COL15A1: variants seen among roughly 807,000 people sequenced by gnomAD.
COL15A1 encodes the protein collagen type XV alpha 1 chain.
A neutral mutation model predicts 165.9 loss-of-function variants in COL15A1; 111 were observed. That is an observed-to-expected ratio of 0.67 (90% CI 0.57 to 0.78). The LOEUF (loss-of-function observed/expected upper bound fraction) is 0.78. Ranked by LOEUF, COL15A1 falls within the 30% of genes least tolerant of loss-of-function variation. COL15A1 has a pLI of 0.00. For missense variants in COL15A1, 1,745 were observed against 1,789.7 expected, an observed-to-expected ratio of 0.98 and a Z score of 0.45; for synonymous variants, 659 against 674.8, an observed-to-expected ratio of 0.98 and a Z score of 0.36.
At chr9:99,038,909 A>C (rs2119062771) in intron 22 of COL15A1, among the ~76,000 whole-genome samples, 176 bp downstream of exon 22, 1 of 152,356 alleles carries the variant, frequency 6.6e-6, no homozygotes, top group South Asian at 2.1e-4. Context: ...TAATTTGATC[A>C]TGTGGAAAGT....
intron 9 of COL15A1, among the ~76,000 whole-genome samples, chr9:99,011,453 A>T (rs973331494): frequency 6.7e-6 from 1 of 149,780 alleles, no homozygotes; most frequent in Non-Finnish European, 1.5e-5. Flanking sequence ...AAAATTTACC[A>T]TAAAAGATTC....
Position 99,054,556 on chromosome 9 carries a change from A to G in COL15A1, c.2951-20A>G, listed in dbSNP as rs988824649. 2 of 1,588,378 alleles carry G rather than the reference A, an allele frequency of 1.3e-6. No homozygotes were observed. The highest frequency in any genetic ancestry group is 3.8e-5 in the Admixed American group (2 of 52,642). ...AGGTGATTTTCCATTTTTTTTTAACATGTATGTGTTTGGTGGCAGGTGTTA... is the reference window on the plus strand; with the variant it reads ...AGGTGATTTTCCATTTTTTTTTAACGTGTATGTGTTTGGTGGCAGGTGTTA... On this transcript the variant is annotated intron_variant, in intron 31 of 41. Transcript: ENST00000375001.
chr9:99,038,518 G>C (rs1214905476), intron 21 of COL15A1, 150 bp from the exon 22 acceptor site: 7 of 566,796 alleles, frequency 1.2e-5, no homozygotes, highest in Non-Finnish European at 2.2e-5. Context: ...GAAGGGGGAG[G>C]GAGAGCTGTG....
chr9:99,026,182 T>C (rs76299522), intron 16 of COL15A1, among the ~76,000 whole-genome samples: 1,642 of 152,276 alleles, frequency 0.011, 22 homozygotes, highest in Middle Eastern at 0.017. Context: ...TGCCCCTAGC[T>C]TCAGTGAATG....
At chr9:98,985,259 G>A (rs77736485) in intron 2 of COL15A1, among the ~76,000 whole-genome samples, 2,253 of 152,288 alleles carry the variant, frequency 0.015, 133 homozygotes, top group East Asian at 0.096. Flanking sequence ...ATAAAATGAA[G>A]CAGAAAAAGA....
At chr9:98,980,893 C>T (rs1234304943) in intron 2 of COL15A1, among the ~76,000 whole-genome samples, 1 of 152,166 alleles carries the variant, frequency 6.6e-6, no homozygotes, top group African/African-American at 2.4e-5. Flanking sequence ...CAAGAATATG[C>T]TGCTGGTGGG....
At chr9:98,948,331 G>T (rs1283154384) in intron 2 of COL15A1, among the ~76,000 whole-genome samples, 1 of 152,116 alleles carries the variant, frequency 6.6e-6, no homozygotes, top group African/African-American at 2.4e-5. Flanking sequence ...GGGCGCGGTG[G>T]CTCACACCTG....
chr9:98,945,800 G>A (rs564982432), intron 2 of COL15A1, among the ~76,000 whole-genome samples: 1 of 152,220 alleles, frequency 6.6e-6, no homozygotes, highest in Non-Finnish European at 1.5e-5. Flanking sequence ...TGGGTTCCAT[G>A]GTCTTTTGTG....
chr9:98,963,119 G>A (rs1036948117), intron 2 of COL15A1, among the ~76,000 whole-genome samples: 7 of 152,204 alleles, frequency 4.6e-5, no homozygotes, highest in Non-Finnish European at 2.9e-5. Context: ...CCTTGCTCAG[G>A]TTCAAGATTT....
chr9:99,036,172 T>A lies in COL15A1; in HGVS notation c.2292T>A (p.Gly764=), dbSNP rs1458303436. ...PKLSRPTAAI[G]LKGEKGDRGP... is the part of the protein sequence containing the mutation. ...TTTATTTTTGTTTATTTTTCCAGGG[T>A]CTCAAAGGAGAGAAAGGAGACCGGG... is the stretch of plus-strand genomic sequence containing the variant. Residue 764 remains glycine (G), a splice_region_variant and synonymous_variant, in exon 20 of 42, where the codon GGT becomes GGA. Transcript: ENST00000375001. The A allele has an allele frequency of 6.2e-7, 1 of 1,611,110 alleles. No individual in the cohort carries two copies. Among genetic ancestry groups the A allele is most frequent in the Non-Finnish European group, 8.5e-7 (1 of 1,177,878 alleles).
At chr9:98,945,742 T>G (rs936890651) in intron 2 of COL15A1, among the ~76,000 whole-genome samples, 1 of 152,210 alleles carries the variant, frequency 6.6e-6, no homozygotes, top group African/African-American at 2.4e-5. Context: ...AAGTTGCAAT[T>G]TTGCATATGA....
rs975863188 is a variant in COL15A1, at chr9:99,004,778, T to G, written c.1201-120T>G. 1.5e-5 allele frequency: 16 copies of G among 1,086,248 alleles called. 1 individual carries two copies. In the South Asian group the frequency reaches 2.2e-4, roughly 15 times the overall value. 67.3% of individuals were successfully genotyped at this position (1,086,248 alleles called of 1,614,324 possible). ...TCTGATGTCTCACTGTGGGTTTCCA[T>G]GTGAAGTGAGGTCTTGGTGTGCAGG... On this transcript the variant is annotated intron_variant, in intron 8 of 41. Transcript: ENST00000375001.
chr9:99,054,801 G>A (rs1825688448), intron 32 of COL15A1, 145 bp downstream of exon 32: 3 of 892,246 alleles, frequency 3.4e-6, no homozygotes, highest in Middle Eastern at 4.5e-4. Context: ...TGAAAACCAA[G>A]CATGGGCCTG....
At chr9:98,989,076 T>A in intron 4 of COL15A1, 102 bp from the exon 5 acceptor site, 1 of 784,484 alleles carries the variant, frequency 1.3e-6, no homozygotes, top group Non-Finnish European at 2.2e-6. Flanking sequence ...GGTTTCCCTG[T>A]AGGAGAGTCG....
chr9:98,997,626 G>T (rs1379711329), intron 6 of COL15A1, among the ~76,000 whole-genome samples: 1 of 152,218 alleles, frequency 6.6e-6, no homozygotes, highest in Admixed American at 6.5e-5. Flanking sequence ...GCACAAGTGA[G>T]AAACTGATGG....
intron 2 of COL15A1, among the ~76,000 whole-genome samples, chr9:98,971,305 C>T (rs940396562): frequency 6.6e-6 from 1 of 152,190 alleles, no homozygotes; most frequent in Non-Finnish European, 1.5e-5. Flanking sequence ...TTCTCCGTGC[C>T]ATTTTCCATG....
At chr9:99,054,178 T>C (rs3780617) in intron 31 of COL15A1, among the ~76,000 whole-genome samples, 46,111 of 152,074 alleles carry the variant, frequency 0.3, 8,077 homozygotes, top group East Asian at 0.64. Flanking sequence ...TACAACCCCA[T>C]GCTACACAGG....
At chr9:98,996,705 G>A (rs533153614) in intron 5 of COL15A1, among the ~76,000 whole-genome samples, 1 of 152,188 alleles carries the variant, frequency 6.6e-6, no homozygotes, top group African/African-American at 2.4e-5. Flanking sequence ...TGGCTGAGAT[G>A]AATAGTCTCA....
In COL15A1 at chr9:99,024,477, G is replaced by C. The variant is rs568607604; in HGVS notation, c.1855-397G>C. On this transcript the variant is annotated intron_variant, in intron 14 of 41. Transcript: ENST00000375001. ...TTTTTTGTATTTTTAGTAGAGACAGGGTTTCACCATGTTAGCTGGGGTGGT... is the reference window on the plus strand; with the variant it reads ...TTTTTTGTATTTTTAGTAGAGACAGCGTTTCACCATGTTAGCTGGGGTGGT... Among the ~76,000 whole-genome samples, 20 of 151,938 alleles carry C rather than the reference G, an allele frequency of 1.3e-4. No homozygotes were observed. The South Asian group carries it at 4.0e-3, about 30-fold the overall frequency.
Sources: allele counts gnomAD v4.1 joint callset (sites outside exome capture counted in the v4.1 genomes callset), GRCh38; gene constraint gnomAD v4.1.1; transcripts MANE v1.5; gene names NCBI Gene and HGNC (gene_info 2026-07-23, HGNC 2026-07-21).